GALNT13: variants seen among roughly 807,000 people sequenced by gnomAD.
GALNT13 encodes the protein UDP-GalNAc:polypeptide N-acetylgalactosaminyltransferase 13.
GALNT13 carries 28 observed loss-of-function variants against 64.2 expected under a neutral mutation model. That is an observed-to-expected ratio of 0.44 (90% CI 0.32 to 0.60). The LOEUF (loss-of-function observed/expected upper bound fraction) is 0.60, where lower values mean the gene tolerates loss of function less well. Among genes scored for constraint, GALNT13 ranks in the 20% least tolerant of loss-of-function variants. GALNT13 has a pLI of 0.05. For synonymous variants in GALNT13, 214 were observed against 224.6 expected, an observed-to-expected ratio of 0.95 and a Z score of 0.42; for missense variants, 577 against 669.8, an observed-to-expected ratio of 0.86 and a Z score of 1.53.
the GALNT13 span, among the ~76,000 whole-genome samples, chr2:153,583,804 G>C: frequency 6.6e-6 from 1 of 152,138 alleles, no homozygotes; most frequent in African/African-American, 2.4e-5. Context: ...TAGCTGTTAG[G>C]GAAACTTGTG....
chr2:154,228,418 G>A (rs1290300509), intron 4 of GALNT13, among the ~76,000 whole-genome samples: 1 of 152,068 alleles, frequency 6.6e-6, no homozygotes, highest in Non-Finnish European at 1.5e-5. Context: ...TGAATATCTT[G>A]CTGCAGCAAA....
the GALNT13 span, among the ~76,000 whole-genome samples, chr2:153,266,343 G>A: frequency 1.8e-4 from 28 of 152,254 alleles, no homozygotes; most frequent in African/African-American, 6.0e-4. Context: ...TATCAACTAT[G>A]TTATTTCATT....
intron 8 of GALNT13, among the ~76,000 whole-genome samples, chr2:154,268,802 C>T (rs2105917797): frequency 6.6e-6 from 1 of 152,166 alleles, no homozygotes; most frequent in Non-Finnish European, 1.5e-5. Flanking sequence ...CAGTCTACCT[C>T]CCAGGACAAC....
the GALNT13 span, among the ~76,000 whole-genome samples, chr2:153,750,768 CT>C: frequency 3.3e-5 from 5 of 151,578 alleles, no homozygotes; most frequent in African/African-American, 1.2e-4. Flanking sequence ...AAAAAAACAA[CT>C]TTTTGTTTCA....
At chr2:153,666,810 C>T in the GALNT13 span, among the ~76,000 whole-genome samples, 1 of 152,062 alleles carries the variant, frequency 6.6e-6, no homozygotes, top group Admixed American at 6.6e-5. Flanking sequence ...TGGTTTTTAA[C>T]AAGGCTGAGA....
intron 11 of GALNT13, among the ~76,000 whole-genome samples, chr2:154,421,894 A>C (rs1700270936): frequency 6.6e-6 from 1 of 152,132 alleles, no homozygotes; most frequent in Non-Finnish European, 1.5e-5. Flanking sequence ...CTCATAGGGA[A>C]TACAAAAGAA....
At chr2:153,886,659 T>G (rs765142494) in intron 1 of GALNT13, among the ~76,000 whole-genome samples, 1 of 152,042 alleles carries the variant, frequency 6.6e-6, no homozygotes, top group African/African-American at 2.4e-5. Flanking sequence ...TAGTTTGTGA[T>G]TACCGTCTCT....
chr2:153,406,723 C>T, the GALNT13 span, among the ~76,000 whole-genome samples: 1 of 152,132 alleles, frequency 6.6e-6, no homozygotes, highest in Non-Finnish European at 1.5e-5. Flanking sequence ...TTCTCTTAAG[C>T]ATTTTAAACA....
the GALNT13 span, among the ~76,000 whole-genome samples, chr2:153,451,498 A>G: frequency 6.6e-6 from 1 of 152,170 alleles, no homozygotes; most frequent in Non-Finnish European, 1.5e-5. Context: ...GCTGCTGGAG[A>G]CTACTAAATT....
chr2:153,694,846 G>T, the GALNT13 span, among the ~76,000 whole-genome samples: 3 of 152,134 alleles, frequency 2.0e-5, no homozygotes, highest in Admixed American at 1.3e-4. Flanking sequence ...GTTTTAAAAT[G>T]TATGTTTTAA....
the GALNT13 span, among the ~76,000 whole-genome samples, chr2:153,631,076 T>C: frequency 6.6e-6 from 1 of 151,788 alleles, no homozygotes; most frequent in Non-Finnish European, 1.5e-5. Flanking sequence ...TTTTCTCTCC[T>C]TGTGATAGTT....
At chr2:153,242,303 T>C in the GALNT13 span, among the ~76,000 whole-genome samples, 1 of 152,146 alleles carries the variant, frequency 6.6e-6, no homozygotes, top group Non-Finnish European at 1.5e-5. Flanking sequence ...CCATCATGGA[T>C]AGCTTCTGAT....
At chr2:154,421,264 C>G (rs1217165719) in intron 11 of GALNT13, among the ~76,000 whole-genome samples, 3 of 151,846 alleles carry the variant, frequency 2.0e-5, no homozygotes, top group Admixed American at 2.0e-4. Flanking sequence ...TTAAAGATTC[C>G]TTGCTTAAAA....
the GALNT13 span, among the ~76,000 whole-genome samples, chr2:153,448,394 T>G: frequency 6.6e-6 from 1 of 152,142 alleles, no homozygotes. Context: ...TTTTTTTTCC[T>G]CAAGCAGACA....
chr2:153,358,891 T>C, the GALNT13 span, among the ~76,000 whole-genome samples: 4 of 152,152 alleles, frequency 2.6e-5, no homozygotes, highest in Admixed American at 2.6e-4. Flanking sequence ...GGACACATCA[T>C]CAGGCATGTC....
At position 154,053,759 on chromosome 2, in the gene GALNT13, A is replaced by T. The variant is rs140874497; in HGVS notation, c.143-86578A>T. Among the ~76,000 whole-genome samples, 1,063 of 152,318 alleles carry T rather than the reference A, an allele frequency of 7.0e-3. 11 individuals are homozygous for T. Among genetic ancestry groups the T allele is most frequent in the African/African-American group, 0.024 (980 of 41,576 alleles). On this transcript the variant is annotated intron_variant, in intron 3 of 12. Coordinates refer to ENST00000392825, the MANE Select transcript of GALNT13 (RefSeq NM_052917.4). ...AGAAACAAAATTTAAAGAAACTTAT[A>T]GTTTGAATCTGGGCTGACAGTGGGT...
the GALNT13 span, among the ~76,000 whole-genome samples, chr2:153,619,149 AT>A: frequency 6.6e-6 from 1 of 151,916 alleles, no homozygotes; most frequent in African/African-American, 2.4e-5. Flanking sequence ...CTCTGGTGAA[AT>A]AACTTAGTTT....
chr2:153,123,793 A>T, the GALNT13 span, among the ~76,000 whole-genome samples: 1 of 152,124 alleles, frequency 6.6e-6, no homozygotes, highest in Non-Finnish European at 1.5e-5. Flanking sequence ...GCTGTTCAGT[A>T]TTTTTTCCAG....
At chr2:154,287,437 G>T in intron 8 of GALNT13, 1 of 422,746 alleles carries the variant, frequency 2.4e-6, no homozygotes, top group Non-Finnish European at 4.5e-6. Flanking sequence ...GGCCCACCCT[G>T]CCTTCACCTC....
Sources: allele counts gnomAD v4.1 joint callset (sites outside exome capture counted in the v4.1 genomes callset), GRCh38; gene constraint gnomAD v4.1.1; transcripts MANE v1.5; gene names NCBI Gene and HGNC (gene_info 2026-07-23, HGNC 2026-07-21).